The following CCNY variants were observed in gnomAD, a reference collection of about 807,000 sequenced individuals.
The protein encoded by CCNY is cyclin-Y.
In CCNY, 19 loss-of-function variants were observed where a neutral mutation model predicts 42.8. That is an observed-to-expected ratio of 0.44 (90% confidence interval 0.31 to 0.65). The LOEUF (loss-of-function observed/expected upper bound fraction) is 0.65. Ranked by LOEUF, CCNY falls within the 30% of genes least tolerant of loss-of-function variation. CCNY has a pLI of 0.07. For synonymous variants in CCNY, 165 were observed against 162.7 expected (o/e 1.01, Z -0.11); for missense variants, 370 against 437.3 (o/e 0.85, Z 1.37).
intron 1 of CCNY, among the ~76,000 whole-genome samples, chr10:35,415,685 C>T (rs1169502553): frequency 6.6e-6 from 1 of 152,198 alleles, no homozygotes; most frequent in African/African-American, 2.4e-5. Flanking sequence ...GTCAGAGCTG[C>T]TGATGTGTTT....
intron 1 of CCNY, among the ~76,000 whole-genome samples, chr10:35,247,474 A>G (rs2095708777): frequency 6.6e-6 from 1 of 152,076 alleles, no homozygotes; most frequent in Admixed American, 6.6e-5. Flanking sequence ...AGTCCCAGCT[A>G]CTTGGGGAGG....
chr10:35,462,994 C>T (rs1333117042), intron 1 of CCNY, among the ~76,000 whole-genome samples: 1 of 152,226 alleles, frequency 6.6e-6, no homozygotes, highest in Non-Finnish European at 1.5e-5. Flanking sequence ...GTATAAACTG[C>T]TGGTAAATGG....
At chr10:35,274,791 A>T (rs1340290179) in intron 3 of CCNY, among the ~76,000 whole-genome samples, 1 of 152,080 alleles carries the variant, frequency 6.6e-6, no homozygotes, top group Non-Finnish European at 1.5e-5. Flanking sequence ...GATGGGAAAG[A>T]AAACATTTGC....
chr10:35,326,882 G>C (rs551072728), intron 3 of CCNY, among the ~76,000 whole-genome samples: 10 of 151,756 alleles, frequency 6.6e-5, no homozygotes, highest in Admixed American at 2.6e-4. Flanking sequence ...GAGTGACACT[G>C]TCTCTTAAAA....
intron 3 of CCNY, among the ~76,000 whole-genome samples, chr10:35,258,925 G>A (rs555372435): frequency 3.3e-4 from 46 of 138,986 alleles, no homozygotes; most frequent in African/African-American, 1.2e-3. Context: ...GACAGAGAGA[G>A]ACTGTCTTAA....
intron 3 of CCNY, among the ~76,000 whole-genome samples, chr10:35,329,410 T>A (rs941974467): frequency 8.6e-5 from 13 of 151,372 alleles, no homozygotes; most frequent in East Asian, 1.9e-4. Flanking sequence ...TAAAAAAAAA[T>A]TTTTTCATCC....
At chr10:35,309,512 TC>T (rs1306437527) in intron 3 of CCNY, among the ~76,000 whole-genome samples, 1 of 152,134 alleles carries the variant, frequency 6.6e-6, no homozygotes, top group African/African-American at 2.4e-5. Context: ...AGCCTCGAAC[TC>T]CTGGGCTCAA....
At chr10:35,533,384 C>T (rs1840811882) in intron 7 of CCNY, among the ~76,000 whole-genome samples, 1 of 152,190 alleles carries the variant, frequency 6.6e-6, no homozygotes, top group South Asian at 2.1e-4. Context: ...CCTTATGTTA[C>T]TGACGGGGCC....
chr10:35,468,835 G>T (rs1408213879), intron 1 of CCNY, among the ~76,000 whole-genome samples: 1 of 152,326 alleles, frequency 6.6e-6, no homozygotes, highest in Non-Finnish European at 1.5e-5. Context: ...GATACAGACA[G>T]ACTGACAGTT....
chr10:35,274,468 C>T (rs1402730844), intron 3 of CCNY, among the ~76,000 whole-genome samples: 1 of 152,168 alleles, frequency 6.6e-6, no homozygotes, highest in Non-Finnish European at 1.5e-5. Context: ...CTCTGGACCC[C>T]TAAGCATTAC....
chr10:35,390,781 G>A (rs1837397267), intron 1 of CCNY, among the ~76,000 whole-genome samples: 1 of 152,184 alleles, frequency 6.6e-6, no homozygotes, highest in Admixed American at 6.5e-5. Flanking sequence ...TGTTTAGTTT[G>A]GGAAGTCATG....
At chr10:35,519,776 C>T (rs201932682) in intron 4 of CCNY, among the ~76,000 whole-genome samples, 29 of 74,656 alleles carry the variant, frequency 3.9e-4, no homozygotes, top group South Asian at 5.7e-4. Flanking sequence ...CTTTTCTTTT[C>T]TTTTTTTTTT....
intron 1 of CCNY, among the ~76,000 whole-genome samples, chr10:35,357,923 A>AT (rs75943974): frequency 6.9e-4 from 102 of 148,362 alleles, no homozygotes; most frequent in African/African-American, 2.2e-3. Context: ...TTAATCTATT[A>AT]TTTTTTTTTT....
intron 3 of CCNY, among the ~76,000 whole-genome samples, chr10:35,255,549 C>T (rs908403192): frequency 1.3e-5 from 2 of 151,766 alleles, no homozygotes; most frequent in Admixed American, 1.3e-4. Flanking sequence ...CCACCTGCCT[C>T]GGTCTCCCAA....
chr10:35,369,890 C>A (rs1376549467), intron 1 of CCNY, among the ~76,000 whole-genome samples: 11 of 152,130 alleles, frequency 7.2e-5, no homozygotes, highest in Admixed American at 5.9e-4. Context: ...ATTTTGTAAA[C>A]CACTTTTAAG....
In CCNY at chr10:35,449,799, A is replaced by G. The variant is rs910660395; in HGVS notation, c.155-33605A>G. ...TGCTTCTCCTGGCCTCTGTCTTCTC[A>G]GCTGAACGGACAGTAAGTTGAGAGT... On this transcript the variant is annotated intron_variant, in intron 1 of 9. Coordinates refer to ENST00000374704, the MANE Select transcript of CCNY (RefSeq NM_145012.6). 6.1e-6 allele frequency: 6 copies of G among 985,228 alleles called. No individual in the cohort carries two copies. The African/African-American group carries it at 7.0e-5, about 11-fold the overall frequency. The allele number at this position is 985,228 out of a possible 1,614,324, so 61.0% of individuals were successfully genotyped here. A position where few individuals can be genotyped will look rare whatever the true frequency, so the allele number is the denominator to read the frequency against.
intron 1 of CCNY, among the ~76,000 whole-genome samples, chr10:35,424,137 G>A (rs1838216606): frequency 6.6e-6 from 1 of 152,262 alleles, no homozygotes; most frequent in South Asian, 2.1e-4. Context: ...AGCTCCTGCA[G>A]AGTAGTTATG....
chr10:35,373,191 T>C (rs1401665436), intron 1 of CCNY, among the ~76,000 whole-genome samples: 3 of 152,218 alleles, frequency 2.0e-5, no homozygotes, highest in African/African-American at 7.2e-5. Context: ...CGGTTTTGGG[T>C]GATTGCATCC....
At chr10:35,403,677 A>G (rs866278631) in intron 1 of CCNY, among the ~76,000 whole-genome samples, 2 of 152,206 alleles carry the variant, frequency 1.3e-5, no homozygotes, top group African/African-American at 4.8e-5. Context: ...GATGCAGGAT[A>G]TGGAAGGCAT....
Sources: gnomAD v4.1 joint callset for allele counts (sites outside exome capture counted in the v4.1 genomes callset) on GRCh38, gnomAD v4.1.1 for gene constraint, MANE v1.5 for transcripts, NCBI Gene and HGNC (gene_info 2026-07-23, HGNC 2026-07-21) for gene names.